ANKRD31: variants seen among roughly 807,000 people sequenced by gnomAD.
The protein encoded by ANKRD31 is ankyrin repeat domain 31, also known as ankyrin repeat domain-containing protein 31.
In ANKRD31, 147 loss-of-function variants were observed where a neutral mutation model predicts 186.0. That is an observed-to-expected ratio of 0.79 (90% CI 0.69 to 0.91). The LOEUF (loss-of-function observed/expected upper bound fraction) is 0.91, where lower values mean the gene tolerates loss of function less well. Among genes scored for constraint, ANKRD31 ranks in the 40% least tolerant of loss-of-function variants. The pLI, the probability that ANKRD31 is intolerant of heterozygous loss-of-function variation, is 0.00. For missense variants in ANKRD31, 1,986 were observed against 2,148.8 expected, an observed-to-expected ratio of 0.92 and a Z score of 1.50; for synonymous variants, 673 against 736.4, an observed-to-expected ratio of 0.91 and a Z score of 1.39.
rs142732572 is a variant in ANKRD31 at position 75,124,159 on chromosome 5, C to T, written c.3877-5862G>A. ...TAGACATTTCTTAAAAGAAGACCCA[C>T]GAATGACCAACAAGCATATGAAAAA... On this transcript the variant is annotated intron_variant, in intron 17 of 25. Transcript: ENST00000506364. Among the ~76,000 whole-genome samples, 18 of 152,162 alleles carry T rather than the reference C, an allele frequency of 1.2e-4. 1 individual carries two copies. The East Asian group carries it at 2.3e-3, about 20-fold the overall frequency.
At chr5:75,133,339 A>AC (rs1003146536) in intron 17 of ANKRD31, among the ~76,000 whole-genome samples, 18 of 150,496 alleles carry the variant, frequency 1.2e-4, no homozygotes, top group African/African-American at 2.7e-4. Flanking sequence ...ATGGAAAACA[A>AC]AAAAAAAAAC....
At chr5:75,191,198 T>A (rs1755087453) in intron 9 of ANKRD31, among the ~76,000 whole-genome samples, 1 of 152,142 alleles carries the variant, frequency 6.6e-6, no homozygotes, top group Middle Eastern at 3.2e-3. Flanking sequence ...TAAGGAATGT[T>A]ATGGAAATCC....
chr5:75,145,489 A>G (rs1374506465), intron 14 of ANKRD31, among the ~76,000 whole-genome samples: 1 of 152,166 alleles, frequency 6.6e-6, no homozygotes, highest in African/African-American at 2.4e-5. Flanking sequence ...ACACAGGAAC[A>G]GAAAACCAGA....
rs1296980829 is a variant in ANKRD31 at position 75,137,847 on chromosome 5, G to A, written c.3876+9C>T. The A allele has an allele frequency of 2.6e-6, 4 of 1,515,452 alleles. No homozygotes were observed. The highest frequency in any genetic ancestry group is 4.3e-5 in the Admixed American group (2 of 46,382). 93.9% of individuals were successfully genotyped at this position (1,515,452 alleles called of 1,614,324 possible). A position where few individuals can be genotyped will look rare whatever the true frequency, so the allele number is the denominator to read the frequency against. Reference sequence around the variant, plus strand: ...AAGTAGTAAGATCTTAATGTGATGTGCACTGTACCTTTAAATGATTGTTTG... The same window carrying A: ...AAGTAGTAAGATCTTAATGTGATGTACACTGTACCTTTAAATGATTGTTTG... On this transcript the variant is annotated intron_variant, in intron 17 of 25. Transcript: ENST00000506364.
At chr5:75,106,733 T>G (rs1459572427) in intron 21 of ANKRD31, among the ~76,000 whole-genome samples, 1 of 152,116 alleles carries the variant, frequency 6.6e-6, no homozygotes, top group African/African-American at 2.4e-5. Flanking sequence ...ATGTAGGTTA[T>G]ATAAGCTCAC....
At position 75,188,474 on chromosome 5, in the gene ANKRD31, G is replaced by A; in HGVS notation, c.1564+19C>T. 6.5e-7 allele frequency: 1 copy of A among 1,528,942 alleles called. No individual in the cohort carries two copies. The allele number at this position is 1,528,942 out of a possible 1,614,324, so 94.7% of individuals were successfully genotyped here. A position where few individuals can be genotyped will look rare whatever the true frequency, so the allele number is the denominator to read the frequency against. On this transcript the variant is annotated intron_variant, in intron 10 of 25. Transcript: ENST00000506364. Reference sequence around the variant, plus strand: ...ACAAACCACTCTTAAGGTAACTGTGGGTGGTAATCCTAACTTACCAGCATA... The same window carrying A: ...ACAAACCACTCTTAAGGTAACTGTGAGTGGTAATCCTAACTTACCAGCATA...
rs572630608 is a variant in ANKRD31, at chr5:75,196,227, C to T, written c.448-27G>A. On this transcript the variant is annotated intron_variant, in intron 6 of 25. Transcript: ENST00000506364. ...TGTGTATTACAAATAGAAATTACAT[C>T]ATTACAGCATATACAATAAAGTATT... 1.4e-5 allele frequency: 20 copies of T among 1,399,562 alleles called. No individual in the cohort carries two copies. In the South Asian group the frequency reaches 2.4e-4, roughly 17 times the overall value. The allele number at this position is 1,399,562 out of a possible 1,614,324, so 86.7% of individuals were successfully genotyped here. A position where few individuals can be genotyped will look rare whatever the true frequency, so the allele number is the denominator to read the frequency against.
chr5:75,163,594 T>A (rs77220114), intron 11 of ANKRD31, among the ~76,000 whole-genome samples: 6,003 of 152,294 alleles, frequency 0.039, 272 homozygotes, highest in African/African-American at 0.11. Flanking sequence ...TTTTCACTCA[T>A]GGCATCATGT....
Position 75,136,350 on chromosome 5 carries a change from G to A in ANKRD31, c.3876+1506C>T, listed in dbSNP as rs534531713. Among the ~76,000 whole-genome samples the A allele has an allele frequency of 5.3e-5, 8 of 152,178 alleles. No individual in the cohort carries two copies. The East Asian group carries it at 1.4e-3, about 26-fold the overall frequency. Reference sequence around the variant, plus strand: ...CAAACAACCCCATGAAAAAGTGGGTGAAGGATATGAACAGACACTTCTCAA... The same window carrying A: ...CAAACAACCCCATGAAAAAGTGGGTAAAGGATATGAACAGACACTTCTCAA... On this transcript the variant is annotated intron_variant, in intron 17 of 25. Transcript: ENST00000506364.
chr5:75,194,859 A>C (rs2150248685), intron 7 of ANKRD31, among the ~76,000 whole-genome samples: 1 of 152,282 alleles, frequency 6.6e-6, no homozygotes, highest in South Asian at 2.1e-4. Context: ...CAAACTGTTA[A>C]CAGTGATTAC....
At chr5:75,207,136 C>A (rs889585341) in intron 4 of ANKRD31, among the ~76,000 whole-genome samples, 1 of 151,986 alleles carries the variant, frequency 6.6e-6, no homozygotes, top group African/African-American at 2.4e-5. Flanking sequence ...AAAAAAAAGC[C>A]TCTCATTTCA....
intron 21 of ANKRD31, among the ~76,000 whole-genome samples, chr5:75,106,147 T>C (rs1747315448): frequency 2.6e-5 from 4 of 152,126 alleles, no homozygotes; most frequent in Admixed American, 2.0e-4. Flanking sequence ...TATCAGGCTT[T>C]ATCATATATC....
At position 75,091,310 on chromosome 5, in the gene ANKRD31, T is replaced by C. The variant is rs769368673; in HGVS notation, c.5423A>G (p.Asp1808Gly). The change falls in exon 23 of 26, where the codon GAT becomes GGT. Residue 1808 changes from aspartate to glycine, a missense_variant. By Grantham distance (94) the Asp-to-Gly change is moderately conservative (BLOSUM62 -1). Coordinates refer to ENST00000506364, the MANE Select transcript of ANKRD31 (RefSeq NM_001372053.1). Reference sequence around the variant, plus strand: ...CACATAACTGTTGCCTCCCAGAAGATCCTTGAGCCAGGTGACTGGGTTTTT... The same window carrying C: ...CACATAACTGTTGCCTCCCAGAAGACCCTTGAGCCAGGTGACTGGGTTTTT... Reference protein sequence around the residue: ...IYKNPVTWLKDLLGGNSYVTW... With the variant: ...IYKNPVTWLKGLLGGNSYVTW... 4.6e-6 allele frequency: 7 copies of C among 1,537,134 alleles called. No individual in the cohort carries two copies. The highest frequency in any genetic ancestry group is 6.1e-6 in the Non-Finnish European group (7 of 1,146,846).
intron 3 of ANKRD31, among the ~76,000 whole-genome samples, chr5:75,220,320 T>C (rs978360311): frequency 2.6e-5 from 4 of 152,024 alleles, no homozygotes; most frequent in Non-Finnish European, 4.4e-5. Flanking sequence ...CTTACAAAAA[T>C]GTACAGGCAA....
At position 75,080,644 on chromosome 5, in the gene ANKRD31, A is replaced by C. The variant is rs1174180713; in HGVS notation, c.5576-5T>G. 1 of 1,525,788 alleles carries C rather than the reference A, an allele frequency of 6.6e-7. No homozygotes were observed. Among genetic ancestry groups the C allele is most frequent in the East Asian group, 2.5e-5 (1 of 40,600 alleles). The allele number at this position is 1,525,788 out of a possible 1,614,324, so 94.5% of individuals were successfully genotyped here. A position where few individuals can be genotyped will look rare whatever the true frequency, so the allele number is the denominator to read the frequency against. On this transcript the variant is annotated splice_region_variant and splice_polypyrimidine_tract_variant and intron_variant, in intron 24 of 25. Coordinates refer to ENST00000506364, the MANE Select transcript of ANKRD31 (RefSeq NM_001372053.1). Reference sequence around the variant, plus strand: ...GGTCATCTAAACAAGCAACTTCTGAAAGTGAAACAAAACGTTAGTAATAAT... The same window carrying C: ...GGTCATCTAAACAAGCAACTTCTGACAGTGAAACAAAACGTTAGTAATAAT...
At chr5:75,069,901 T>C (rs2149992902) in intron 25 of ANKRD31, among the ~76,000 whole-genome samples, 1 of 152,222 alleles carries the variant, frequency 6.6e-6, no homozygotes, top group Middle Eastern at 3.4e-3. Context: ...AGCCCTGGGA[T>C]GATGAGAAGA....
At chr5:75,102,440 C>T (rs1580329863) in intron 22 of ANKRD31, among the ~76,000 whole-genome samples, 1 of 152,216 alleles carries the variant, frequency 6.6e-6, no homozygotes, top group South Asian at 2.1e-4. Context: ...GCTGGAAGAA[C>T]CACTACTCTC....
chr5:75,151,538 T>C (rs1189103768), intron 12 of ANKRD31, among the ~76,000 whole-genome samples: 3 of 152,056 alleles, frequency 2.0e-5, no homozygotes, highest in African/African-American at 7.2e-5. Flanking sequence ...ACGTGTTTGT[T>C]TCACTTCCAC....
intron 12 of ANKRD31, among the ~76,000 whole-genome samples, chr5:75,150,659 A>C: frequency 6.6e-6 from 1 of 151,966 alleles, no homozygotes; most frequent in South Asian, 2.1e-4. Flanking sequence ...GTAGGAATAG[A>C]TTAAAGTGGG....
Sources: gnomAD v4.1 joint callset for allele counts (sites outside exome capture counted in the v4.1 genomes callset) on GRCh38, gnomAD v4.1.1 for gene constraint, MANE v1.5 for transcripts, NCBI Gene and HGNC (gene_info 2026-07-23, HGNC 2026-07-21) for gene names.